The following RAB11FIP3 variants were observed in gnomAD, a reference collection of about 807,000 sequenced individuals.
RAB11FIP3 encodes rab11 family-interacting protein 3.
In RAB11FIP3, 17 loss-of-function variants were observed where a neutral mutation model predicts 77.8. The observed-to-expected ratio is 0.22, with a 90% CI of 0.15 to 0.33. The LOEUF (loss-of-function observed/expected upper bound fraction) is 0.33. Among genes scored for constraint, RAB11FIP3 ranks in the 10% least tolerant of loss-of-function variants. The pLI is 1.00. For missense variants in RAB11FIP3, 1,005 were observed against 1,011.2 expected (o/e 0.99, Z 0.08); for synonymous variants, 437 against 448.2 (o/e 0.98, Z 0.31).
rs375152901 is a variant in RAB11FIP3 at position 518,948 on chromosome 16, A to T, written c.1646A>T (p.Gln549Leu). 3.7e-6 allele frequency: 6 copies of T among 1,613,566 alleles called. No individual in the cohort carries two copies. The highest frequency in any genetic ancestry group is 1.3e-5 in the African/African-American group (1 of 74,954). ...IEIENLQTRLQQLDEENSELR... is the reference protein window; with the variant it reads ...IEIENLQTRLLQLDEENSELR... ...GCTTTGTTCTTGTGTCCCAGGCTAC[A>T]GCAACTGGACGAGGAGAACAGTGAA... Residue 549 changes from glutamine to leucine, a missense_variant, in exon 10 of 14, where the codon CAG becomes CTG. By Grantham distance (113) the Gln-to-Leu change is moderately radical. Around this residue, in one of 4 missense-constraint regions of RAB11FIP3, gnomAD observed 433 missense variants for 436.1 expected, o/e 0.99. Transcript: ENST00000262305.
Position 502,981 on chromosome 16 carries a change from C to T in RAB11FIP3, c.1302-23C>T, listed in dbSNP as rs754698468. 17 of 1,563,592 alleles carry T rather than the reference C, an allele frequency of 1.1e-5. No homozygotes were observed. In the Admixed American group the frequency reaches 1.7e-4, roughly 15 times the overall value. On this transcript the variant is annotated intron_variant, in intron 6 of 13. Transcript: ENST00000262305. ...CCTGTGGTTTTTCCCTTTCTTCCCT[C>T]TGTTGTTGTGCCTTTTCTGTAGGTA...
intron 1 of RAB11FIP3, among the ~76,000 whole-genome samples, chr16:458,383 AC>A (rs2141637252): frequency 1.3e-5 from 2 of 150,448 alleles, no homozygotes; most frequent in South Asian, 4.1e-4. Context: ...TCTGGACTTC[AC>A]CACAGGGCCT....
In RAB11FIP3 at chr16:440,085, C is replaced by T. The variant is rs553293024; in HGVS notation, c.714+13365C>T. On this transcript the variant is annotated intron_variant, in intron 1 of 13. Coordinates refer to ENST00000262305, the MANE Select transcript of RAB11FIP3 (RefSeq NM_014700.4). ...TCGATCTCCTGACCTCATGATCCGC[C>T]CCCCCCATCGGCCTCCCAAAGTGCT... is the stretch of plus-strand genomic sequence containing the variant. Among the ~76,000 whole-genome samples the T allele has an allele frequency of 2.0e-5, 3 of 152,062 alleles. No homozygotes were observed. In the South Asian group the frequency reaches 6.2e-4, roughly 32 times the overall value.
chr16:439,569 A>G (rs557130697), intron 1 of RAB11FIP3, among the ~76,000 whole-genome samples: 1 of 152,254 alleles, frequency 6.6e-6, no homozygotes, highest in South Asian at 2.1e-4. Flanking sequence ...GACCCACAAA[A>G]TCTGAGACAG....
At position 471,079 on chromosome 16, in the gene RAB11FIP3, C is replaced by T. The variant is rs2055798716; in HGVS notation, c.809-216C>T. On this transcript the variant is annotated intron_variant, in intron 2 of 13. Coordinates refer to ENST00000262305, the MANE Select transcript of RAB11FIP3 (RefSeq NM_014700.4). The surrounding 1 kb of genome is among the most constrained non-coding windows in gnomAD (Gnocchi z 4.4). Reference sequence around the variant, plus strand: ...AGAATTCTCTCCAGAAGCCTTGTTCCTGTGGGCAACGCATCTCTGACCCGT... The same window carrying T: ...AGAATTCTCTCCAGAAGCCTTGTTCTTGTGGGCAACGCATCTCTGACCCGT... Among the ~76,000 whole-genome samples the T allele has an allele frequency of 6.6e-6, 1 of 151,882 alleles. No individual in the cohort carries two copies. Among genetic ancestry groups the T allele is most frequent in the African/African-American group, 2.4e-5 (1 of 41,356 alleles).
chr16:454,377 G>T (rs923397729), intron 1 of RAB11FIP3, among the ~76,000 whole-genome samples: 2 of 152,116 alleles, frequency 1.3e-5, no homozygotes, highest in Admixed American at 1.3e-4. Flanking sequence ...AGGAGTTTGA[G>T]ACCAGCCTGA....
Position 426,306 on chromosome 16 carries a change from T to G in RAB11FIP3, c.300T>G (p.Leu100=). 1 of 1,312,796 alleles carries G rather than the reference T, an allele frequency of 7.6e-7. No homozygotes were observed. Among genetic ancestry groups the G allele is most frequent in the East Asian group, 3.1e-5 (1 of 32,194 alleles). The allele number at this position is 1,312,796 out of a possible 1,614,324, so 81.3% of individuals were successfully genotyped here. A position where few individuals can be genotyped will look rare whatever the true frequency, so the allele number is the denominator to read the frequency against. The stretch of plus-strand genomic sequence containing the variant: ...CGCGCTCCGGCCCGCGGGGGCAGCT[T>G]GCGAGCCCCGACGCCCCGGGCCCAG... ...PPPRSGPRGQ[L]ASPDAPGPGP... is the part of the protein sequence containing the mutation. The change falls in exon 1 of 14, where the codon CTT becomes CTG. Residue 100 remains leucine, a synonymous_variant. Coordinates refer to ENST00000262305, the MANE Select transcript of RAB11FIP3 (RefSeq NM_014700.4). The surrounding 1 kb of genome is among the most constrained non-coding windows in gnomAD (Gnocchi z 5.0).
intron 3 of RAB11FIP3, among the ~76,000 whole-genome samples, chr16:480,286 C>CAAAAAAAAGAAAAAAAAAAAA (rs752259728): frequency 3.7e-5 from 3 of 80,024 alleles, no homozygotes; most frequent in African/African-American, 1.4e-4. Context: ...ACTCCTTCTC[C>CAAAAAAAAGAAAAAAAAAAAA]AAAAAAAAAA....
chr16:482,724 T>C lies in RAB11FIP3; in HGVS notation c.1103T>C (p.Leu368Pro). ...MEEPDHGALL[L>P]LPGRPHPHGQ... Reference sequence around the variant, plus strand: ...GAGCCCGACCATGGTGCCCTGCTGCTGCTCCCAGGCAGGTCTGTACCCCGC... The same window carrying C: ...GAGCCCGACCATGGTGCCCTGCTGCCGCTCCCAGGCAGGTCTGTACCCCGC... The change falls in exon 4 of 14, where the codon CTG becomes CCG. Residue 368 changes from leucine (L) to proline (P), a missense_variant. By Grantham distance (98) the Leu-to-Pro change is moderately conservative. Coordinates refer to ENST00000262305, the MANE Select transcript of RAB11FIP3 (RefSeq NM_014700.4). 6.2e-7 allele frequency: 1 copy of C among 1,604,520 alleles called. No homozygotes were observed. The highest frequency in any genetic ancestry group is 8.5e-7 in the Non-Finnish European group (1 of 1,177,052).
At chr16:493,095 A>G (rs1365661238) in intron 5 of RAB11FIP3, among the ~76,000 whole-genome samples, 1 of 152,086 alleles carries the variant, frequency 6.6e-6, no homozygotes, top group Non-Finnish European at 1.5e-5. Flanking sequence ...TACTAAAAAC[A>G]TAAAAATTAG....
intron 1 of RAB11FIP3, among the ~76,000 whole-genome samples, chr16:440,685 A>C (rs920511124): frequency 6.6e-5 from 10 of 152,362 alleles, no homozygotes; most frequent in African/African-American, 2.4e-4. Context: ...AGATGCTTTT[A>C]TCCCTTATGG....
At chr16:456,909 G>C (rs1421044082) in intron 1 of RAB11FIP3, among the ~76,000 whole-genome samples, 1 of 151,946 alleles carries the variant, frequency 6.6e-6, no homozygotes, top group East Asian at 1.9e-4. Context: ...CAGGTGAGCC[G>C]CAGGCTTCAG....
chr16:450,296 A>C (rs1417113155), intron 1 of RAB11FIP3, among the ~76,000 whole-genome samples: 1 of 152,018 alleles, frequency 6.6e-6, no homozygotes, highest in Non-Finnish European at 1.5e-5. Flanking sequence ...CACCCTCCCG[A>C]GTAGCTGGGA....
intron 6 of RAB11FIP3, among the ~76,000 whole-genome samples, chr16:500,910 G>C (rs979753830): frequency 6.6e-6 from 1 of 152,042 alleles, no homozygotes; most frequent in Non-Finnish European, 1.5e-5. Flanking sequence ...ATGGGCTCTG[G>C]GTTGCAGCTT....
intron 3 of RAB11FIP3, among the ~76,000 whole-genome samples, chr16:477,206 A>T (rs987270033): frequency 2.6e-5 from 4 of 152,074 alleles, no homozygotes; most frequent in Non-Finnish European, 5.9e-5. Flanking sequence ...GTGAGCCAAG[A>T]TGGCGCCACT....
intron 12 of RAB11FIP3, 63 bp from the exon 13 acceptor site, chr16:520,396 C>A: frequency 6.2e-7 from 1 of 1,602,726 alleles, no homozygotes; most frequent in Non-Finnish European, 8.5e-7. Context: ...CCCGGGCAGT[C>A]CTTGTCCCTG....
chr16:461,936 T>G lies in RAB11FIP3; in HGVS notation c.808+439T>G, dbSNP rs79484984. Among the ~76,000 whole-genome samples, 928 of 152,258 alleles carry G rather than the reference T, an allele frequency of 6.1e-3. 10 individuals carry two copies. The highest frequency in any genetic ancestry group is 0.021 in the African/African-American group (883 of 41,584). The stretch of plus-strand genomic sequence containing the variant: ...TGGGATGTGTTTGTAATCAGCATGC[T>G]TCCGCGCACACCGCCCTGAACACTG... On this transcript the variant is annotated intron_variant, in intron 2 of 13. Transcript: ENST00000262305. This position sits in a 1 kb window ranked among gnomAD's most constrained non-coding sequence, Gnocchi z 4.5.
Position 521,551 on chromosome 16 carries a change from G to A in RAB11FIP3, c.*712G>A, listed in dbSNP as rs186824078. On this transcript the variant is annotated 3_prime_UTR_variant, in exon 14 of 14. Coordinates refer to ENST00000262305, the MANE Select transcript of RAB11FIP3 (RefSeq NM_014700.4). ...TGGCTGTTCCCACGGCCCAGTCCTC[G>A]CTGCAGTAACCCCTGGGGGCTCTGA... 2.3e-3 allele frequency: 349 copies of A among 152,752 alleles called. 5 individuals are homozygous for A. Among genetic ancestry groups the A allele is most frequent in the African/African-American group, 7.7e-3 (321 of 41,580 alleles). The allele number at this position is 152,752 out of a possible 1,614,324, so 9.5% of individuals were successfully genotyped here.
chr16:480,055 G>A (rs2141718520), intron 3 of RAB11FIP3, among the ~76,000 whole-genome samples: 1 of 152,266 alleles, frequency 6.6e-6, no homozygotes, highest in East Asian at 1.9e-4. Flanking sequence ...GGGAGGCCGA[G>A]GCAGGTGGAT....
Sources: allele counts gnomAD v4.1 joint callset (sites outside exome capture counted in the v4.1 genomes callset), GRCh38; gene constraint gnomAD v4.1.1; regional missense constraint gnomAD v4.1.1; non-coding constraint Gnocchi (gnomAD v3.1); transcripts MANE v1.5; gene names NCBI Gene and HGNC (gene_info 2026-07-23, HGNC 2026-07-21).